GPA33: variants seen among roughly 807,000 people sequenced by gnomAD.
GPA33 encodes the protein glycoprotein A33, also known as cell surface A33 antigen.
Under a neutral mutation model 35.6 loss-of-function variants are expected in GPA33, and 27 were observed. The observed-to-expected ratio is 0.76, with a 90% CI of 0.56 to 1.04. GPA33 has a LOEUF of 1.04. Among genes scored for constraint, GPA33 ranks in the 50% least tolerant of loss-of-function variants. The pLI is 0.00. For missense variants in GPA33, 428 were observed against 411.9 expected (o/e 1.04, Z -0.34); for synonymous variants, 176 against 164.0 (o/e 1.07, Z -0.56).
At chr1:167,067,742 C>G (rs529087791) in intron 3 of GPA33, among the ~76,000 whole-genome samples, 5 of 152,022 alleles carry the variant, frequency 3.3e-5, no homozygotes, top group African/African-American at 1.2e-4. Context: ...TGCTGTTAAT[C>G]GGTAGATCTG....
chr1:167,065,680 T>G (rs1666576482), intron 3 of GPA33, among the ~76,000 whole-genome samples: 1 of 152,172 alleles, frequency 6.6e-6, no homozygotes, highest in Non-Finnish European at 1.5e-5. Context: ...GCCACAGTAT[T>G]TCCTCTTGGA....
intron 1 of GPA33, among the ~76,000 whole-genome samples, chr1:167,084,752 C>CAGCATAA (rs1256034749): frequency 6.6e-6 from 1 of 152,192 alleles, no homozygotes; most frequent in African/African-American, 2.4e-5. Context: ...TAAGCCAACC[C>CAGCATAA]AGCATAAAGC....
intron 4 of GPA33, among the ~76,000 whole-genome samples, chr1:167,056,818 AGC>A (rs1666306495): frequency 1.0e-3 from 3 of 2,904 alleles, no homozygotes; most frequent in African/African-American, 3.1e-3. Context: ...TGTATGTGGC[AGC>A]GTTTGTAGTG....
At chr1:167,063,438 G>A in intron 4 of GPA33, 144 bp downstream of exon 4, 1 of 641,708 alleles carries the variant, frequency 1.6e-6, no homozygotes, top group Non-Finnish European at 2.7e-6. Flanking sequence ...TTAGAGAGGT[G>A]GGGATAGGGG....
intron 1 of GPA33, among the ~76,000 whole-genome samples, chr1:167,090,013 T>C (rs960128622): frequency 2.0e-5 from 3 of 152,104 alleles, no homozygotes; most frequent in Non-Finnish European, 2.9e-5. Flanking sequence ...GTCTTGAGAG[T>C]ACTTTGAATT....
chr1:167,078,883 A>G (rs10918620), intron 1 of GPA33, among the ~76,000 whole-genome samples: 34,314 of 152,158 alleles, frequency 0.23, 4,128 homozygotes, highest in Non-Finnish European at 0.27. Context: ...TGAAATGGGT[A>G]CTTTGTTTAG....
At chr1:167,082,361 G>A (rs1476144105) in intron 1 of GPA33, 1 of 451,824 alleles carries the variant, frequency 2.2e-6, no homozygotes, top group Non-Finnish European at 4.4e-6. Context: ...ACTAGGAGGT[G>A]AAAAAGTAGA....
At chr1:167,089,752 T>G (rs1488824804) in intron 1 of GPA33, among the ~76,000 whole-genome samples, 1 of 152,018 alleles carries the variant, frequency 6.6e-6, no homozygotes, top group African/African-American at 2.4e-5. Context: ...CCCATCTAGT[T>G]TGTTGTTTGT....
intron 4 of GPA33, among the ~76,000 whole-genome samples, chr1:167,059,299 A>G (rs1249903023): frequency 1.3e-5 from 2 of 152,178 alleles, no homozygotes; most frequent in Admixed American, 1.3e-4. Context: ...TGATATCCGG[A>G]GAAAACTAAT....
At chr1:167,087,056 A>C (rs1324967081) in intron 1 of GPA33, among the ~76,000 whole-genome samples, 1 of 152,142 alleles carries the variant, frequency 6.6e-6, no homozygotes, top group African/African-American at 2.4e-5. Flanking sequence ...TGGCTGAAAA[A>C]AAATCCTGGA....
At chr1:167,058,874 A>G (rs1477048921) in intron 4 of GPA33, among the ~76,000 whole-genome samples, 1 of 152,174 alleles carries the variant, frequency 6.6e-6, no homozygotes, top group Non-Finnish European at 1.5e-5. Context: ...TCATGCTCTC[A>G]TTTGCTAAAT....
At chr1:167,056,867 GGTGTGTGGT>G (rs1369695133) in intron 4 of GPA33, among the ~76,000 whole-genome samples, 8 of 19,170 alleles carry the variant, frequency 4.2e-4, no homozygotes, top group South Asian at 1.5e-3. Flanking sequence ...GTGTGTGTGT[GGTGTGTGGT>G]GTGTGTGGTG....
intron 1 of GPA33, among the ~76,000 whole-genome samples, chr1:167,082,784 C>CGTCT (rs1320231239): frequency 1.3e-5 from 2 of 152,192 alleles, no homozygotes; most frequent in Non-Finnish European, 2.9e-5. Context: ...TAATGGGAAG[C>CGTCT]GTCTGTCTGT....
intron 1 of GPA33, among the ~76,000 whole-genome samples, chr1:167,085,667 A>G (rs1325359293): frequency 6.6e-6 from 1 of 152,248 alleles, no homozygotes; most frequent in East Asian, 1.9e-4. Context: ...CAAGATCCCC[A>G]GATGACTTGT....
rs1266315348 is a variant in GPA33, at chr1:167,064,296, GAAAAGAAA to G, written c.416-567_416-560del. ...CAAAACTCTGTCTCAAAAAAAGAAA[GAAAAGAAA>G]AAAAGAAAAAGAAAGAAAGAAAGAA... On this transcript the variant is annotated intron_variant, in intron 3 of 6. Transcript: ENST00000367868. Among the ~76,000 whole-genome samples the G allele has an allele frequency of 4.2e-5, 6 of 143,474 alleles. No individual in the cohort carries two copies. The East Asian group carries it at 1.2e-3, about 29-fold the overall frequency. The allele number at this position is 143,474 out of a possible 152,430, so 94.1% of individuals were successfully genotyped here. A position where few individuals can be genotyped will look rare whatever the true frequency, so the allele number is the denominator to read the frequency against.
At chr1:167,082,628 AGTT>A (rs774115530) in intron 1 of GPA33, among the ~76,000 whole-genome samples, 3 of 152,226 alleles carry the variant, frequency 2.0e-5, no homozygotes, top group Non-Finnish European at 2.9e-5. Flanking sequence ...GCCAGGGCAC[AGTT>A]GGAAAGCCAG....
At chr1:167,085,893 C>T (rs537080737) in intron 1 of GPA33, among the ~76,000 whole-genome samples, 29 of 152,338 alleles carry the variant, frequency 1.9e-4, no homozygotes, top group East Asian at 3.9e-4. Flanking sequence ...TTTTCAAAAA[C>T]CAGAGAGAAA....
intron 2 of GPA33, among the ~76,000 whole-genome samples, chr1:167,069,621 T>C (rs935174691): frequency 2.0e-5 from 3 of 152,266 alleles, no homozygotes; most frequent in Non-Finnish European, 4.4e-5. Context: ...GATAGACTCA[T>C]CATTTATCAA....
intron 2 of GPA33, among the ~76,000 whole-genome samples, chr1:167,073,007 T>C (rs953441430): frequency 2.3e-5 from 3 of 132,720 alleles, no homozygotes; most frequent in Admixed American, 2.2e-4. Context: ...TATTTAAAAA[T>C]AGAAATAGAA....
Sources: allele counts gnomAD v4.1 joint callset (sites outside exome capture counted in the v4.1 genomes callset), GRCh38; gene constraint gnomAD v4.1.1; transcripts MANE v1.5; gene names NCBI Gene and HGNC (gene_info 2026-07-23, HGNC 2026-07-21).